Variants in PRTFDC1 observed in about 807,000 individuals in gnomAD.
PRTFDC1 encodes the protein phosphoribosyltransferase domain-containing protein 1.
PRTFDC1 carries 38 observed loss-of-function variants against 34.6 expected under a neutral mutation model. That is an observed-to-expected ratio of 1.10 (90% CI 0.85 to 1.44). The LOEUF (loss-of-function observed/expected upper bound fraction) is 1.44, where lower values mean the gene tolerates loss of function less well. Ranked by LOEUF, PRTFDC1 falls within the 40% of genes most tolerant of loss-of-function variation. PRTFDC1 has a pLI of 0.00. For synonymous variants in PRTFDC1, 93 were observed against 98.1 expected, an observed-to-expected ratio of 0.95 and a Z score of 0.31; for missense variants, 270 against 283.0, an observed-to-expected ratio of 0.95 and a Z score of 0.33.
At chr10:24,890,922 G>T (rs1357113112) in intron 3 of PRTFDC1, among the ~76,000 whole-genome samples, 1 of 152,188 alleles carries the variant, frequency 6.6e-6, no homozygotes, top group African/African-American at 2.4e-5. Context: ...AGGAAAAGCA[G>T]GAACTGCAGC....
chr10:24,884,985 C>G (rs1848141265), intron 3 of PRTFDC1, among the ~76,000 whole-genome samples: 1 of 152,166 alleles, frequency 6.6e-6, no homozygotes, highest in South Asian at 2.1e-4. Context: ...GGTCCTGTCC[C>G]CACCTGGGGG....
At chr10:24,875,969 C>T (rs758308281) in intron 3 of PRTFDC1, among the ~76,000 whole-genome samples, 1 of 151,338 alleles carries the variant, frequency 6.6e-6, no homozygotes, top group Non-Finnish European at 1.5e-5. Context: ...AATCCTCCTG[C>T]CTTGGCTTCC....
Position 24,894,812 on chromosome 10 carries a change from T to G in PRTFDC1, c.340-22749A>C, listed in dbSNP as rs1394145326. On this transcript the variant is annotated intron_variant, in intron 3 of 8. Coordinates refer to ENST00000320152, the MANE Select transcript of PRTFDC1 (RefSeq NM_020200.7). ...TGGGTTCAAATCGAGGCTCCGCTCC[T>G]GTGGATTGTGTATGCCTTGGGCAAA... is the stretch of plus-strand genomic sequence containing the variant. Among the ~76,000 whole-genome samples the G allele has an allele frequency of 2.0e-5, 3 of 152,340 alleles. No individual in the cohort carries two copies. In the East Asian group the frequency reaches 5.8e-4, roughly 29 times the overall value.
chr10:24,924,935 A>G (rs1010099029), intron 3 of PRTFDC1, among the ~76,000 whole-genome samples: 2 of 152,236 alleles, frequency 1.3e-5, no homozygotes, highest in African/African-American at 4.8e-5. Context: ...ATCTAGAACT[A>G]GAAATACCTT....
At chr10:24,889,782 T>C (rs1487220917) in intron 3 of PRTFDC1, among the ~76,000 whole-genome samples, 3 of 152,228 alleles carry the variant, frequency 2.0e-5, no homozygotes, top group African/African-American at 7.2e-5. Context: ...GTAGGCATGT[T>C]GATTGGCAGT....
intron 4 of PRTFDC1, among the ~76,000 whole-genome samples, chr10:24,869,067 A>G (rs1847834482): frequency 6.6e-6 from 1 of 152,180 alleles, no homozygotes; most frequent in Admixed American, 6.6e-5. Context: ...GCTACTTTGA[A>G]ATATACAACA....
chr10:24,936,536 T>C (rs1415396190), intron 3 of PRTFDC1, among the ~76,000 whole-genome samples: 1 of 152,220 alleles, frequency 6.6e-6, no homozygotes, highest in Non-Finnish European at 1.5e-5. Flanking sequence ...TCCTTCTGTC[T>C]TGGCCTCCCA....
intron 4 of PRTFDC1, among the ~76,000 whole-genome samples, chr10:24,871,039 T>C (rs1413777163): frequency 1.6e-5 from 2 of 124,778 alleles, no homozygotes; most frequent in Non-Finnish European, 3.2e-5. Flanking sequence ...GCCAGTGCAC[T>C]CCAACCTGGG....
intron 3 of PRTFDC1, among the ~76,000 whole-genome samples, chr10:24,879,116 C>T (rs1474681330): frequency 6.6e-6 from 1 of 152,086 alleles, no homozygotes; most frequent in Non-Finnish European, 1.5e-5. Flanking sequence ...TTTTTCAAAA[C>T]TCTGAGCATT....
intron 3 of PRTFDC1, among the ~76,000 whole-genome samples, chr10:24,913,755 A>G (rs1848658833): frequency 6.6e-6 from 1 of 152,216 alleles, no homozygotes; most frequent in Non-Finnish European, 1.5e-5. Flanking sequence ...GAATCCATTT[A>G]CCTCTAATGG....
At chr10:24,917,379 A>C (rs890019501) in intron 3 of PRTFDC1, among the ~76,000 whole-genome samples, 1 of 152,136 alleles carries the variant, frequency 6.6e-6, no homozygotes, top group African/African-American at 2.4e-5. Context: ...GTTGCAGTAC[A>C]CATTTTTTTA....
intron 4 of PRTFDC1, among the ~76,000 whole-genome samples, chr10:24,863,993 G>A (rs1164407169): frequency 3.7e-5 from 5 of 133,966 alleles, no homozygotes; most frequent in South Asian, 5.0e-4. Context: ...GCACACCAGC[G>A]ACAGAGCAAC....
intron 3 of PRTFDC1, among the ~76,000 whole-genome samples, chr10:24,928,914 C>A (rs61854329): frequency 0.32 from 48,518 of 150,790 alleles, 9,227 homozygotes; most frequent in African/African-American, 0.53. Flanking sequence ...GTGGCGGGCG[C>A]CTGTAGTCCC....
intron 3 of PRTFDC1, among the ~76,000 whole-genome samples, chr10:24,931,550 A>C (rs927935874): frequency 6.6e-6 from 1 of 151,952 alleles, no homozygotes; most frequent in African/African-American, 2.4e-5. Context: ...GAAAGAGAGA[A>C]TATCACTACA....
intron 4 of PRTFDC1, among the ~76,000 whole-genome samples, chr10:24,871,641 T>G (rs1847868941): frequency 7.2e-6 from 1 of 138,844 alleles, no homozygotes; most frequent in African/African-American, 2.7e-5. Flanking sequence ...GTGCAGAGGA[T>G]GGATGAAAAA....
intron 1 of PRTFDC1, among the ~76,000 whole-genome samples, chr10:24,942,972 C>A (rs1015574586): frequency 2.6e-5 from 4 of 151,774 alleles, no homozygotes; most frequent in African/African-American, 9.7e-5. Context: ...AATATAAAGT[C>A]AGTGTTTTAT....
chr10:24,911,342 C>T (rs1054172859), intron 3 of PRTFDC1, among the ~76,000 whole-genome samples: 7 of 152,198 alleles, frequency 4.6e-5, no homozygotes, highest in African/African-American at 1.7e-4. Flanking sequence ...AGCATATATC[C>T]TTTCAAGTGT....
In PRTFDC1 at chr10:24,906,549, T is replaced by TGTGCCTTACCATGTGGAACAAA. The variant is rs540478527; in HGVS notation, c.339+30613_339+30634dup. Among the ~76,000 whole-genome samples the TGTGCCTTACCATGTGGAACAAA allele has an allele frequency of 2.5e-3, 384 of 152,334 alleles. 4 individuals are homozygous for TGTGCCTTACCATGTGGAACAAA. The highest frequency in any genetic ancestry group is 0.02 in the Middle Eastern group (6 of 294). ...TGACTTGTATGAATGAATGAATGGATGTGCCTTACCATGTGGAACAAAGAG... is the reference window on the plus strand; with the variant it reads ...TGACTTGTATGAATGAATGAATGGATGTGCCTTACCATGTGGAACAAAGTGCCTTACCATGTGGAACAAAGAG... On this transcript the variant is annotated intron_variant, in intron 3 of 8. Coordinates refer to ENST00000320152, the MANE Select transcript of PRTFDC1 (RefSeq NM_020200.7).
chr10:24,909,405 G>T (rs1848592556), intron 3 of PRTFDC1, among the ~76,000 whole-genome samples: 1 of 152,106 alleles, frequency 6.6e-6, no homozygotes, highest in Non-Finnish European at 1.5e-5. Flanking sequence ...TCATGGTCCA[G>T]CTTTCATTTA....
Sources: gnomAD v4.1 joint callset for allele counts (sites outside exome capture counted in the v4.1 genomes callset) on GRCh38, gnomAD v4.1.1 for gene constraint, MANE v1.5 for transcripts, NCBI Gene and HGNC (gene_info 2026-07-23, HGNC 2026-07-21) for gene names.